PLCB4: variants seen among roughly 807,000 people sequenced by gnomAD.
PLCB4 encodes the protein 1-phosphatidylinositol 4,5-bisphosphate phosphodiesterase beta-4.
Under a neutral mutation model 178.8 loss-of-function variants are expected in PLCB4, and 77 were observed. That is an observed-to-expected ratio of 0.43 (90% confidence interval 0.36 to 0.52). PLCB4 has a LOEUF of 0.52. Ranked by LOEUF, PLCB4 falls within the 20% of genes least tolerant of loss-of-function variation. The pLI is 0.00. For missense variants in PLCB4, 1,024 were observed against 1,453.4 expected (o/e 0.70, Z 4.80); for synonymous variants, 496 against 490.8 (o/e 1.01, Z -0.14).
intron 7 of PLCB4, among the ~76,000 whole-genome samples, chr20:9,359,351 G>A (rs548493577): frequency 4.6e-5 from 7 of 152,246 alleles, no homozygotes; most frequent in Non-Finnish European, 1.0e-4. Flanking sequence ...GAGAATTAGA[G>A]GCAGCTTCTC....
At chr20:9,098,759 GTGTGTA>G (rs1373543886) in intron 2 of PLCB4, among the ~76,000 whole-genome samples, 1 of 146,964 alleles carries the variant, frequency 6.8e-6, no homozygotes, top group Non-Finnish European at 1.5e-5. Flanking sequence ...GTGTGTGTGT[GTGTGTA>G]TATATATATG....
At chr20:9,284,423 T>C (rs1380709465) in intron 3 of PLCB4, among the ~76,000 whole-genome samples, 1 of 151,898 alleles carries the variant, frequency 6.6e-6, no homozygotes, top group East Asian at 1.9e-4. Context: ...TGGAGAGAGA[T>C]ATAAGGCTAG....
At chr20:9,361,828 T>A (rs917513536) in intron 7 of PLCB4, among the ~76,000 whole-genome samples, 1 of 152,184 alleles carries the variant, frequency 6.6e-6, no homozygotes, top group African/African-American at 2.4e-5. Context: ...TGATGGAAAT[T>A]ATCTGCACTG....
intron 36 of PLCB4, among the ~76,000 whole-genome samples, chr20:9,470,781 T>G (rs2044138318): frequency 6.6e-6 from 1 of 152,240 alleles, no homozygotes. Context: ...GCATTTAGGT[T>G]GTCCATCACC....
At chr20:9,419,515 T>C (rs1260581480) in intron 25 of PLCB4, among the ~76,000 whole-genome samples, 1 of 152,246 alleles carries the variant, frequency 6.6e-6, no homozygotes, top group Non-Finnish European at 1.5e-5. Flanking sequence ...TTCATTGTTA[T>C]TCTTTGCATT....
chr20:9,310,571 G>A (rs2094820458), intron 4 of PLCB4, among the ~76,000 whole-genome samples: 1 of 152,066 alleles, frequency 6.6e-6, no homozygotes, highest in Non-Finnish European at 1.5e-5. Flanking sequence ...AAATAGCCAG[G>A]TGTGGTGGCA....
chr20:9,310,480 G>A lies in PLCB4; in HGVS notation c.84+2582G>A, dbSNP rs184603878. ...AATCCCAGCACTTTGGGAGGCCAGG[G>A]TGGGCAGATCAGTAGGTCAGGAGAT... On this transcript the variant is annotated intron_variant, in intron 4 of 39. Transcript: ENST00000378473. Among the ~76,000 whole-genome samples, 444 of 152,244 alleles carry A rather than the reference G, an allele frequency of 2.9e-3. 1 individual carries two copies. Among genetic ancestry groups the A allele is most frequent in the African/African-American group, 9.9e-3 (410 of 41,550 alleles).
chr20:9,122,983 A>G (rs1409133434), intron 2 of PLCB4, among the ~76,000 whole-genome samples: 1 of 152,202 alleles, frequency 6.6e-6, no homozygotes, highest in Admixed American at 6.5e-5. Context: ...AAAACATAAG[A>G]AACAGTAAAA....
intron 4 of PLCB4, among the ~76,000 whole-genome samples, chr20:9,329,757 C>T (rs117158671): frequency 0.015 from 2,211 of 152,298 alleles, 27 homozygotes; most frequent in South Asian, 0.022. Context: ...GATGGAGCAG[C>T]TACAGCCGTG....
chr20:9,417,401 G>C (rs1009683516), intron 25 of PLCB4, among the ~76,000 whole-genome samples: 2 of 151,954 alleles, frequency 1.3e-5, no homozygotes, highest in Non-Finnish European at 2.9e-5. Context: ...TCTACCCTCT[G>C]TCTCTATATT....
chr20:9,210,467 A>G (rs2093661601), intron 2 of PLCB4, among the ~76,000 whole-genome samples: 1 of 152,108 alleles, frequency 6.6e-6, no homozygotes, highest in Non-Finnish European at 1.5e-5. Context: ...TGGGTCGGTG[A>G]GAGGAGAACA....
At chr20:9,183,835 C>T (rs892521906) in intron 2 of PLCB4, among the ~76,000 whole-genome samples, 1 of 152,044 alleles carries the variant, frequency 6.6e-6, no homozygotes, top group Non-Finnish European at 1.5e-5. Flanking sequence ...TTTTGTTGAT[C>T]AAAATGATTA....
chr20:9,267,064 T>C (rs2147592635), intron 3 of PLCB4, among the ~76,000 whole-genome samples: 1 of 152,286 alleles, frequency 6.6e-6, no homozygotes, highest in Admixed American at 6.5e-5. Flanking sequence ...ACTACGTGTA[T>C]ATTCTTATGT....
chr20:9,446,098 G>A (rs2042398263), intron 32 of PLCB4, among the ~76,000 whole-genome samples: 1 of 152,178 alleles, frequency 6.6e-6, no homozygotes, highest in Non-Finnish European at 1.5e-5. Flanking sequence ...CTCAGATGCT[G>A]TGCTCAGCAC....
intron 12 of PLCB4, among the ~76,000 whole-genome samples, chr20:9,379,529 A>G (rs2036959202): frequency 6.6e-6 from 1 of 152,210 alleles, no homozygotes; most frequent in Non-Finnish European, 1.5e-5. Flanking sequence ...TGAGTGCCCA[A>G]GAAATCATGG....
rs753358084 is a variant in PLCB4, at chr20:9,421,361, G to C, written c.2219G>C (p.Gly740Ala). Residue 740 changes from glycine (G) to alanine (A), a missense_variant, in exon 27 of 40, where the codon GGG (glycine) becomes GCG (alanine). This residue lies in a region of PLCB4 where 227 missense variants were observed against 374.3 expected (regional missense o/e 0.61). Coordinates refer to ENST00000378473, the MANE Select transcript of PLCB4 (RefSeq NM_001377142.1). ...ACCTACGTAGAGGTGGATATGTATG[G>C]GTTGCCCACTGACACCATACGTAAG... ...IGTYVEVDMY[G>A]LPTDTIRKEF... 1.9e-6 allele frequency: 3 copies of C among 1,613,572 alleles called. No individual in the cohort carries two copies. Among genetic ancestry groups the C allele is most frequent in the Non-Finnish European group, 2.5e-6 (3 of 1,179,556 alleles).
chr20:9,133,277 GT>G (rs1311525397), intron 2 of PLCB4, among the ~76,000 whole-genome samples: 3 of 151,456 alleles, frequency 2.0e-5, no homozygotes, highest in Non-Finnish European at 4.4e-5. Context: ...ACTTTTTTTT[GT>G]TGTTGTTGAG....
chr20:9,193,263 T>TGCAG (rs2147149125), intron 2 of PLCB4, among the ~76,000 whole-genome samples: 1 of 152,298 alleles, frequency 6.6e-6, no homozygotes, highest in South Asian at 2.1e-4. Context: ...GACAGAGACA[T>TGCAG]GAAGGAAGCC....
intron 2 of PLCB4, among the ~76,000 whole-genome samples, chr20:9,124,995 CT>C (rs976524425): frequency 2.6e-5 from 4 of 152,106 alleles, no homozygotes; most frequent in African/African-American, 7.2e-5. Flanking sequence ...CATTTTAAAC[CT>C]TTTCAAATAG....
Sources: gnomAD v4.1 joint callset for allele counts (sites outside exome capture counted in the v4.1 genomes callset) on GRCh38, gnomAD v4.1.1 for gene constraint, gnomAD v4.1.1 regional missense constraint, MANE v1.5 for transcripts, NCBI Gene and HGNC (gene_info 2026-07-23, HGNC 2026-07-21) for gene names.